The following ZMYM2 variants were observed in gnomAD, a reference collection of about 807,000 sequenced individuals.
ZMYM2 encodes zinc finger MYM-type protein 2.
ZMYM2 carries 56 observed loss-of-function variants against 162.8 expected under a neutral mutation model. That is an observed-to-expected ratio of 0.34 (90% CI 0.28 to 0.43). The LOEUF is 0.43. Ranked by LOEUF, ZMYM2 falls within the 20% of genes least tolerant of loss-of-function variation. The pLI is 1.00. For synonymous variants in ZMYM2, 510 were observed against 541.6 expected, an observed-to-expected ratio of 0.94 and a Z score of 0.81; for missense variants, 1,275 against 1,621.8, an observed-to-expected ratio of 0.79 and a Z score of 3.67.
At chr13:19,977,583 C>T (rs942152807) in intron 2 of ZMYM2, among the ~76,000 whole-genome samples, 1 of 150,620 alleles carries the variant, frequency 6.6e-6, no homozygotes, top group Non-Finnish European at 1.5e-5. Flanking sequence ...AGCCCTGCCT[C>T]CCGGGTTCAC....
intron 11 of ZMYM2, among the ~76,000 whole-genome samples, chr13:20,036,166 G>A (rs1322430421): frequency 6.6e-6 from 1 of 152,038 alleles, no homozygotes; most frequent in African/African-American, 2.4e-5. Flanking sequence ...AATAAATAAG[G>A]ATATGTAAAA....
At chr13:20,011,810 C>T (rs1259314962) in intron 6 of ZMYM2, among the ~76,000 whole-genome samples, 2 of 148,692 alleles carry the variant, frequency 1.3e-5, no homozygotes, top group African/African-American at 5.0e-5. Flanking sequence ...AGTGCGGTGG[C>T]ACAGTCTCTG....
the ZMYM2 span, among the ~76,000 whole-genome samples, chr13:19,915,415 T>TTCTTTCTTTCTTTCTTTCTC: frequency 6.1e-5 from 9 of 148,316 alleles, no homozygotes; most frequent in African/African-American, 2.3e-4. Flanking sequence ...CTTGCTTGCT[T>TTCTTTCTTTCTTTCTTTCTC]TTTCTTTCTT....
intron 17 of ZMYM2, among the ~76,000 whole-genome samples, chr13:20,062,398 C>G (rs923174473): frequency 2.0e-5 from 3 of 152,126 alleles, no homozygotes; most frequent in Non-Finnish European, 4.4e-5. Context: ...CACAAAAACA[C>G]TTGAAAGCAA....
chr13:20,003,012 C>G lies in ZMYM2; in HGVS notation c.1010C>G (p.Pro337Arg). The G allele has an allele frequency of 6.2e-7, 1 of 1,614,128 alleles. No homozygotes were observed. The highest frequency in any genetic ancestry group is 1.1e-5 in the South Asian group (1 of 91,086). ...GTCACTTGTGCAAACTGCAAAAAAC[C>G]TTTACAGAAGGGCCAGACAGCTTAT... ...VKVTCANCKK[P>R]LQKGQTAYQR... The change falls in exon 4 of 25, where the codon CCT (proline) becomes CGT (arginine). Residue 337 changes from proline to arginine, a missense_variant. By Grantham distance (103) the Pro-to-Arg change is moderately radical (BLOSUM62 -2). This residue lies in a region of ZMYM2 where 115 missense variants were observed against 175.3 expected (regional missense o/e 0.66). Transcript: ENST00000610343.
chr13:19,871,354 T>A, the ZMYM2 span, among the ~76,000 whole-genome samples: 1 of 152,258 alleles, frequency 6.6e-6, no homozygotes, highest in African/African-American at 2.4e-5. Context: ...AAAGAACGAT[T>A]ACTTATTGAT....
At chr13:19,921,623 T>G in the ZMYM2 span, among the ~76,000 whole-genome samples, 13 of 152,298 alleles carry the variant, frequency 8.5e-5, no homozygotes, top group South Asian at 2.7e-3. Context: ...TACACTTATT[T>G]TTTAAAAAAA....
At chr13:19,885,710 T>G in the ZMYM2 span, among the ~76,000 whole-genome samples, 3 of 151,214 alleles carry the variant, frequency 2.0e-5, no homozygotes, top group Non-Finnish European at 4.4e-5. Context: ...TAGCTGGACA[T>G]GTTTTCGCTT....
At chr13:19,954,605 CCAAACATCATT>C (rs1193509250), upstream of ZMYM2, among the ~76,000 whole-genome samples, 6 of 152,118 alleles carry the variant, frequency 3.9e-5, no homozygotes, top group African/African-American at 1.2e-4. Context: ...TGCTATAATA[CCAAACATCATT>C]CAGTATAAGC....
intron 14 of ZMYM2, among the ~76,000 whole-genome samples, chr13:20,055,122 CAG>C (rs1230753240): frequency 1.3e-5 from 2 of 151,522 alleles, no homozygotes; most frequent in Non-Finnish European, 2.9e-5. Context: ...GTTGTGTATG[CAG>C]ATTCTGGTAT....
At chr13:19,965,386 TG>T in intron 2 of ZMYM2, 2 of 560,632 alleles carry the variant, frequency 3.6e-6, no homozygotes, top group Non-Finnish European at 5.5e-6. Context: ...CAAAGAGGTA[TG>T]TCTTTTTCCT....
At chr13:20,062,694 T>TTA (rs1316538165) in intron 17 of ZMYM2, among the ~76,000 whole-genome samples, 152 bp from the exon 18 acceptor site, 9 of 152,200 alleles carry the variant, frequency 5.9e-5, no homozygotes, top group Non-Finnish European at 1.2e-4. Flanking sequence ...TTTGAGATAG[T>TTA]TATATATATA....
At position 19,986,787 on chromosome 13, in the gene ZMYM2, T is replaced by TTA. The variant is rs550712196; in HGVS notation, c.-10-6272_-10-6271dup. 1.7e-3 allele frequency among the ~76,000 whole-genome samples: 252 copies of TTA among 152,144 alleles called. 1 individual carries two copies. The highest frequency in any genetic ancestry group is 3.1e-3 in the Non-Finnish European group (210 of 68,006). On this transcript the variant is annotated intron_variant, in intron 2 of 24. Transcript: ENST00000610343. ...GCAGCCCCTTAAAGTAGAATCATTA[T>TTA]TATATCAATTGCACAGATTAAAAAA...
chr13:20,006,647 A>G, intron 6 of ZMYM2, 61 bp downstream of exon 6: 3 of 1,496,398 alleles, frequency 2.0e-6, no homozygotes, highest in East Asian at 2.3e-5. Flanking sequence ...GTGTTGTAAT[A>G]CTTTTACTCT....
At position 20,066,869 on chromosome 13, in the gene ZMYM2, G is replaced by GT. The variant is rs778985497; in HGVS notation, c.3152dup (p.Ser1052IlefsTer7). The GT allele has an allele frequency of 6.2e-7, 1 of 1,602,556 alleles. No individual in the cohort carries two copies. Among genetic ancestry groups the GT allele is most frequent in the Non-Finnish European group, 8.5e-7 (1 of 1,175,562 alleles). ...CTAATAGGGAGCCAAGAGAAAGGCT[G>GT]TATCAGGATACCAGTCTCATGATGA... is the stretch of plus-strand genomic sequence containing the variant. On this transcript the variant is annotated frameshift_variant, in exon 20 of 25. Coordinates refer to ENST00000610343, the MANE Select transcript of ZMYM2 (RefSeq NM_197968.4). LOFTEE classifies it high-confidence loss of function.
At chr13:19,986,227 CAAAA>C (rs71650297) in intron 2 of ZMYM2, among the ~76,000 whole-genome samples, 4,083 of 151,866 alleles carry the variant, frequency 0.027, 113 homozygotes, top group East Asian at 0.13. Flanking sequence ...AACAAACAAA[CAAAA>C]AGAAGGGATA....
At chr13:19,910,011 C>T in the ZMYM2 span, among the ~76,000 whole-genome samples, 5 of 149,884 alleles carry the variant, frequency 3.3e-5, no homozygotes, top group East Asian at 2.0e-4. Flanking sequence ...GTCAGGAGAT[C>T]GAGACCATCC....
chr13:19,902,284 G>A, the ZMYM2 span, among the ~76,000 whole-genome samples: 5 of 152,138 alleles, frequency 3.3e-5, no homozygotes, highest in Non-Finnish European at 2.9e-5. Context: ...CATAGCTTCC[G>A]TTTTTTGAAA....
chr13:19,926,366 T>A, the ZMYM2 span, among the ~76,000 whole-genome samples: 7 of 148,838 alleles, frequency 4.7e-5, no homozygotes, highest in African/African-American at 7.4e-5. Flanking sequence ...ACTTATTTTT[T>A]TTTTTTTTTT....
Sources: allele counts gnomAD v4.1 joint callset (sites outside exome capture counted in the v4.1 genomes callset), GRCh38; gene constraint gnomAD v4.1.1; regional missense constraint gnomAD v4.1.1; transcripts MANE v1.5; gene names NCBI Gene and HGNC (gene_info 2026-07-23, HGNC 2026-07-21).